Variants in VAV1 observed in about 807,000 individuals in gnomAD.
VAV1 encodes vav guanine nucleotide exchange factor 1.
Under a neutral mutation model 128.1 loss-of-function variants are expected in VAV1, and 33 were observed. The observed-to-expected ratio is 0.26, with a 90% CI of 0.20 to 0.34. VAV1 has a LOEUF of 0.34. Ranked by LOEUF, VAV1 falls within the 10% of genes least tolerant of loss-of-function variation. VAV1 has a pLI of 1.00. For synonymous variants in VAV1, 394 were observed against 409.8 expected (o/e 0.96, Z 0.47); for missense variants, 715 against 1,093.7 (o/e 0.65, Z 4.88).
At chr19:6,850,613 T>C in intron 23 of VAV1, 57 bp from the exon 24 acceptor site, 10 of 1,563,994 alleles carry the variant, frequency 6.4e-6, no homozygotes, top group Non-Finnish European at 8.8e-6. Context: ...TAACTGGGGC[T>C]TGGTGGGGAA....
At position 6,777,234 on chromosome 19, in the gene VAV1, T is replaced by TATCC. The variant is rs57771330; in HGVS notation, c.204+4273_204+4276dup. ...TCATCCATCCATTTATCTGTTTAAC[T>TATCC]ATCCATCCATCCATCCATCCATCCA... On this transcript the variant is annotated intron_variant, in intron 1 of 26. Coordinates refer to ENST00000602142, the MANE Select transcript of VAV1 (RefSeq NM_005428.4). This position sits in a 1 kb window ranked among gnomAD's most constrained non-coding sequence, Gnocchi z 4.4. 5.0e-3 allele frequency among the ~76,000 whole-genome samples: 723 copies of TATCC among 145,532 alleles called. 3 individuals carry two copies. Among genetic ancestry groups the TATCC allele is most frequent in the East Asian group, 0.016 (78 of 4,864 alleles).
intron 22 of VAV1, among the ~76,000 whole-genome samples, chr19:6,847,063 G>A (rs1270235767): frequency 3.3e-5 from 5 of 151,680 alleles, no homozygotes; most frequent in Middle Eastern, 3.2e-3. Context: ...ACAGGCGCCC[G>A]CCATCAAGCC....
chr19:6,773,535 A>G (rs565515356), intron 1 of VAV1, among the ~76,000 whole-genome samples: 1 of 152,232 alleles, frequency 6.6e-6, no homozygotes, highest in South Asian at 2.1e-4. Context: ...GGCCTGGGGC[A>G]GCATGGGGCA....
chr19:6,783,709 C>T (rs1301772509), intron 1 of VAV1, among the ~76,000 whole-genome samples: 1 of 152,010 alleles, frequency 6.6e-6, no homozygotes, highest in Non-Finnish European at 1.5e-5. Flanking sequence ...CTCGGGTGAT[C>T]CACTCGCCTC....
At chr19:6,783,059 A>G (rs1193483718) in intron 1 of VAV1, among the ~76,000 whole-genome samples, 1 of 151,962 alleles carries the variant, frequency 6.6e-6, no homozygotes, top group African/African-American at 2.4e-5. Flanking sequence ...GTATGCCTGT[A>G]GTCCCAGCTA....
chr19:6,830,502 C>T (rs763415851), intron 14 of VAV1, among the ~76,000 whole-genome samples: 5 of 151,870 alleles, frequency 3.3e-5, no homozygotes, highest in Non-Finnish European at 5.9e-5. Flanking sequence ...TGCAGTGGCA[C>T]GGTCTTGGCT....
intron 1 of VAV1, among the ~76,000 whole-genome samples, chr19:6,819,199 T>A (rs746006694): frequency 2.0e-5 from 3 of 152,216 alleles, no homozygotes; most frequent in Non-Finnish European, 4.4e-5. Context: ...ATGGAACCTG[T>A]GTTTTGATTC....
At chr19:6,838,097 G>GTCTGTCTATCTATCTATCTATCTA (rs1555705096) in intron 21 of VAV1, among the ~76,000 whole-genome samples, 6 of 146,534 alleles carry the variant, frequency 4.1e-5, no homozygotes, top group African/African-American at 1.3e-4. Context: ...CTGTCTGTCT[G>GTCTGTCTATCTATCTATCTATCTA]TCTATCTATC....
intron 26 of VAV1, 115 bp downstream of exon 26, chr19:6,854,213 G>T (rs766422057): frequency 2.2e-6 from 3 of 1,342,642 alleles, no homozygotes; most frequent in Non-Finnish European, 2.0e-6. Context: ...GATCTCTCAC[G>T]GTGGGAGGGA....
chr19:6,811,765 AG>A (rs1438848236), intron 1 of VAV1, among the ~76,000 whole-genome samples: 12 of 152,318 alleles, frequency 7.9e-5, no homozygotes, highest in South Asian at 4.1e-4. Context: ...TCTGGCCCAA[AG>A]GGTACTTCAT....
intron 1 of VAV1, among the ~76,000 whole-genome samples, chr19:6,788,033 C>T (rs1970933877): frequency 6.6e-6 from 1 of 151,828 alleles, no homozygotes; most frequent in African/African-American, 2.4e-5. Context: ...GCCGAGATCC[C>T]GCCACTGCAC....
Position 6,778,607 on chromosome 19 carries a change from C to T in VAV1, c.204+5596C>T, listed in dbSNP as rs1345337493. On this transcript the variant is annotated intron_variant, in intron 1 of 26. Coordinates refer to ENST00000602142, the MANE Select transcript of VAV1 (RefSeq NM_005428.4). ...CCTTTTAAGGCTGGGCGGTGGCTCA[C>T]GCCTGTGGTCCCAGCTACCCGAGAG... is the stretch of plus-strand genomic sequence containing the variant. Among the ~76,000 whole-genome samples the T allele has an allele frequency of 5.3e-5, 8 of 152,282 alleles. No individual in the cohort carries two copies. In the South Asian group the frequency reaches 6.2e-4, roughly 12 times the overall value.
rs57771330 is a variant in VAV1 at position 6,777,234 on chromosome 19, T to TATCCATCCATCC, written c.204+4265_204+4276dup. 6.9e-6 allele frequency among the ~76,000 whole-genome samples: 1 copy of TATCCATCCATCC among 145,426 alleles called. No individual in the cohort carries two copies. Among genetic ancestry groups the TATCCATCCATCC allele is most frequent in the Non-Finnish European group, 1.5e-5 (1 of 66,520 alleles). On this transcript the variant is annotated intron_variant, in intron 1 of 26. Coordinates refer to ENST00000602142, the MANE Select transcript of VAV1 (RefSeq NM_005428.4). The surrounding 1 kb of genome is among the most constrained non-coding windows in gnomAD (Gnocchi z 4.4). ...TCATCCATCCATTTATCTGTTTAAC[T>TATCCATCCATCC]ATCCATCCATCCATCCATCCATCCA...
chr19:6,833,377 G>T, intron 16 of VAV1, 92 bp downstream of exon 16: 1 of 1,406,554 alleles, frequency 7.1e-7, no homozygotes, highest in Non-Finnish European at 9.8e-7. Flanking sequence ...CCTAAATTGG[G>T]AGATGGGGGA....
chr19:6,850,042 C>T (rs1303683143), intron 23 of VAV1, among the ~76,000 whole-genome samples: 3 of 151,856 alleles, frequency 2.0e-5, no homozygotes, highest in African/African-American at 7.3e-5. Flanking sequence ...AACCAATTTA[C>T]AGTCCAGCCC....
intron 1 of VAV1, among the ~76,000 whole-genome samples, chr19:6,783,765 G>A (rs2144699452): frequency 6.6e-6 from 1 of 152,196 alleles, no homozygotes. Context: ...ACCATGCCCT[G>A]CCTCCATTCT....
Position 6,833,751 on chromosome 19 carries a change from T to C in VAV1, c.1731+18T>C, listed in dbSNP as rs1183409268. 6.2e-7 allele frequency: 1 copy of C among 1,614,122 alleles called. No individual in the cohort carries two copies. The highest frequency in any genetic ancestry group is 8.5e-7 in the Non-Finnish European group (1 of 1,180,000). ...TGAAGAAGGTAAGACTTTCCCGTGG[T>C]CCTTCCTGTGTACCACAAATAATGG... On this transcript the variant is annotated intron_variant, in intron 18 of 26. Transcript: ENST00000602142.
intron 1 of VAV1, among the ~76,000 whole-genome samples, chr19:6,782,070 C>T (rs1218057549): frequency 6.6e-6 from 1 of 152,178 alleles, no homozygotes; most frequent in Non-Finnish European, 1.5e-5. Flanking sequence ...ATGGCTCACT[C>T]TTGTAATCCC....
chr19:6,795,157 C>T (rs1338165422), intron 1 of VAV1, among the ~76,000 whole-genome samples: 1 of 152,104 alleles, frequency 6.6e-6, no homozygotes, highest in East Asian at 1.9e-4. Flanking sequence ...TAACAAGAAG[C>T]CATACCCTGG....
Sources: allele counts gnomAD v4.1 joint callset (sites outside exome capture counted in the v4.1 genomes callset), GRCh38; gene constraint gnomAD v4.1.1; non-coding constraint Gnocchi (gnomAD v3.1); transcripts MANE v1.5; gene names NCBI Gene and HGNC (gene_info 2026-07-23, HGNC 2026-07-21).